Variants in STXBP6 observed in about 807,000 individuals in gnomAD.
STXBP6 encodes the protein syntaxin-binding protein 6.
STXBP6 carries 21 observed loss-of-function variants against 26.9 expected under a neutral mutation model. The observed-to-expected ratio is 0.78, with a 90% CI of 0.55 to 1.12. The LOEUF (loss-of-function observed/expected upper bound fraction) is 1.12, where lower values mean the gene tolerates loss of function less well. Ranked by LOEUF, STXBP6 falls within the 50% of genes most tolerant of loss-of-function variation. The pLI, the probability that STXBP6 is intolerant of heterozygous loss-of-function variation, is 0.00. For missense variants in STXBP6, 232 were observed against 257.9 expected (o/e 0.90, Z 0.69); for synonymous variants, 97 against 92.6 (o/e 1.05, Z -0.27).
At chr14:25,037,669 T>C (rs2075577520) in intron 1 of STXBP6, among the ~76,000 whole-genome samples, 1 of 152,232 alleles carries the variant, frequency 6.6e-6, no homozygotes, top group Non-Finnish European at 1.5e-5. Context: ...AAAATCACTG[T>C]ACATGCTCAA....
chr14:24,939,057 C>A (rs1282105301), intron 2 of STXBP6, among the ~76,000 whole-genome samples: 1 of 152,132 alleles, frequency 6.6e-6, no homozygotes, highest in Non-Finnish European at 1.5e-5. Context: ...AGTCTAATTA[C>A]ATCTCAGAAT....
chr14:25,038,012 T>A (rs1254080164), intron 1 of STXBP6, among the ~76,000 whole-genome samples: 6 of 152,176 alleles, frequency 3.9e-5, no homozygotes, highest in Non-Finnish European at 5.9e-5. Flanking sequence ...TGACTACAGA[T>A]TTCAAGACTT....
chr14:25,034,987 C>T (rs1024881369), intron 1 of STXBP6, among the ~76,000 whole-genome samples: 13 of 151,932 alleles, frequency 8.6e-5, no homozygotes, highest in African/African-American at 3.1e-4. Context: ...CCCGTCTCTA[C>T]TACAAATACA....
intron 1 of STXBP6, among the ~76,000 whole-genome samples, chr14:24,976,454 A>C (rs1566527400): frequency 6.6e-6 from 1 of 152,238 alleles, no homozygotes; most frequent in Admixed American, 6.5e-5. Flanking sequence ...TAGAAATTAT[A>C]GATCTAATAC....
Position 24,855,970 on chromosome 14 carries a change from T to C in STXBP6, c.417A>G (p.Pro139=). ...TTTTGGATTGGCAGTTAATAAACTC[T>C]GGCTTCCTGTCCGTGAGGTACCTCT... ...TCQRYLTDRK[P]EFINCQSKIM... is the part of the protein sequence containing the mutation. The change falls in exon 4 of 6, where the codon CCA becomes CCG. Residue 139 remains proline, a synonymous_variant. Coordinates refer to ENST00000323944, the MANE Select transcript of STXBP6 (RefSeq NM_001394410.1). 1 of 1,606,738 alleles carries C rather than the reference T, an allele frequency of 6.2e-7. No individual in the cohort carries two copies. Among genetic ancestry groups the C allele is most frequent in the Non-Finnish European group, 8.5e-7 (1 of 1,177,208 alleles).
chr14:24,911,692 C>T (rs2071581822), intron 2 of STXBP6, among the ~76,000 whole-genome samples: 1 of 152,152 alleles, frequency 6.6e-6, no homozygotes, highest in East Asian at 1.9e-4. Context: ...ACAGTGAATG[C>T]CTCATTCCAT....
intron 2 of STXBP6, among the ~76,000 whole-genome samples, chr14:24,915,020 T>C (rs1416531102): frequency 1.3e-5 from 2 of 152,184 alleles, no homozygotes; most frequent in African/African-American, 4.8e-5. Context: ...TGGTTCAACA[T>C]TGTCTTTTTT....
intron 1 of STXBP6, among the ~76,000 whole-genome samples, chr14:24,985,842 A>G (rs1377221455): frequency 6.6e-6 from 1 of 152,234 alleles, no homozygotes; most frequent in Non-Finnish European, 1.5e-5. Context: ...AATGCCTGGA[A>G]GTGATCCTAG....
At chr14:24,815,420 G>A (rs1214854479) in intron 5 of STXBP6, among the ~76,000 whole-genome samples, 1 of 150,818 alleles carries the variant, frequency 6.6e-6, no homozygotes, top group African/African-American at 2.4e-5. Flanking sequence ...ATATATTACT[G>A]TTGATAAATA....
In STXBP6 at chr14:24,939,545, G is replaced by A. The variant is rs2072728555; in HGVS notation, c.154+35120C>T. Among the ~76,000 whole-genome samples, 4 of 151,526 alleles carry A rather than the reference G, an allele frequency of 2.6e-5. No individual in the cohort carries two copies. In the South Asian group the frequency reaches 8.3e-4, roughly 31 times the overall value. On this transcript the variant is annotated intron_variant, in intron 2 of 5. Transcript: ENST00000323944. The stretch of plus-strand genomic sequence containing the variant: ...AACTTTCTGCTATTCTGCCTATGGC[G>A]ATGGCCATTACCTCTAAATGAAAGC...
chr14:24,876,530 T>A (rs1015469303), intron 2 of STXBP6, among the ~76,000 whole-genome samples: 2 of 152,154 alleles, frequency 1.3e-5, no homozygotes, highest in Non-Finnish European at 2.9e-5. Context: ...CCCATAGTTA[T>A]AACTCACATT....
At chr14:24,840,661 C>T (rs1260953833) in intron 4 of STXBP6, among the ~76,000 whole-genome samples, 2 of 152,162 alleles carry the variant, frequency 1.3e-5, no homozygotes, top group Admixed American at 6.5e-5. Flanking sequence ...ACCTTTACTG[C>T]ATTTGTCAAC....
chr14:24,837,870 C>T (rs1387897607), intron 4 of STXBP6, among the ~76,000 whole-genome samples: 1 of 152,082 alleles, frequency 6.6e-6, no homozygotes, highest in Non-Finnish European at 1.5e-5. Flanking sequence ...GTCAGAGATG[C>T]CCTGGTGAGC....
intron 1 of STXBP6, among the ~76,000 whole-genome samples, chr14:24,998,795 T>C (rs909707571): frequency 2.6e-5 from 4 of 152,200 alleles, no homozygotes; most frequent in African/African-American, 4.8e-5. Context: ...GGTAATATTA[T>C]TTTACCATAC....
chr14:25,041,740 C>T (rs1001540682), intron 1 of STXBP6, among the ~76,000 whole-genome samples: 7 of 152,212 alleles, frequency 4.6e-5, no homozygotes, highest in Admixed American at 2.6e-4. Flanking sequence ...CTTCCAGAAG[C>T]GCAGTGAGTC....
At chr14:24,962,122 T>C (rs2073560906) in intron 2 of STXBP6, among the ~76,000 whole-genome samples, 2 of 152,028 alleles carry the variant, frequency 1.3e-5, no homozygotes, top group Non-Finnish European at 2.9e-5. Flanking sequence ...GAATCACACA[T>C]GCACAGTACC....
At chr14:25,043,948 T>C (rs1489797621) in intron 1 of STXBP6, among the ~76,000 whole-genome samples, 4 of 151,956 alleles carry the variant, frequency 2.6e-5, no homozygotes, top group Admixed American at 2.6e-4. Context: ...GGCAGGTGGA[T>C]TGCTTGAGCC....
At chr14:24,984,782 C>T (rs548487412) in intron 1 of STXBP6, among the ~76,000 whole-genome samples, 16 of 152,236 alleles carry the variant, frequency 1.1e-4, no homozygotes, top group African/African-American at 3.6e-4. Context: ...GCTTATACTC[C>T]GGGTGCAGAG....
At chr14:24,914,021 T>C (rs2139749070) in intron 2 of STXBP6, among the ~76,000 whole-genome samples, 1 of 152,330 alleles carries the variant, frequency 6.6e-6, no homozygotes, top group South Asian at 2.1e-4. Flanking sequence ...CCTTAAATTA[T>C]GCATCATCTT....
Sources: allele counts gnomAD v4.1 joint callset (sites outside exome capture counted in the v4.1 genomes callset), GRCh38; gene constraint gnomAD v4.1.1; transcripts MANE v1.5; gene names NCBI Gene and HGNC (gene_info 2026-07-23, HGNC 2026-07-21).